Variants in SETBP1 observed in about 807,000 individuals in gnomAD.
The protein encoded by SETBP1 is SET-binding protein.
SETBP1 carries 9 observed loss-of-function variants against 101.0 expected under a neutral mutation model. That is an observed-to-expected ratio of 0.09 (90% CI 0.05 to 0.16). SETBP1 has a LOEUF of 0.16. SETBP1 is among the 10% of genes least tolerant of loss of function. SETBP1 has a pLI of 1.00. For synonymous variants in SETBP1, 818 were observed against 788.5 expected, an observed-to-expected ratio of 1.04 and a Z score of -0.63; for missense variants, 1,858 against 2,033.8, an observed-to-expected ratio of 0.91 and a Z score of 1.66.
intron 4 of SETBP1, among the ~76,000 whole-genome samples, chr18:45,013,085 CA>C (rs901254409): frequency 6.6e-6 from 1 of 152,268 alleles, no homozygotes; most frequent in African/African-American, 2.4e-5. Flanking sequence ...GTCAAGCTCA[CA>C]ACCACCTCAC....
rs540302397 is a variant in SETBP1 at position 44,955,415 on chromosome 18, G to C, written c.4000+2075G>C. 2.8e-4 allele frequency among the ~76,000 whole-genome samples: 42 copies of C among 152,304 alleles called. 1 individual carries two copies. The highest frequency in any genetic ancestry group is 9.9e-4 in the African/African-American group (41 of 41,568). On this transcript the variant is annotated intron_variant, in intron 4 of 5. Transcript: ENST00000649279. Reference sequence around the variant, plus strand: ...GGCCCAACTCTGTTACTAATTCTCCGTGTGCCCTTAGGCATGGGATTCCAC... The same window carrying C: ...GGCCCAACTCTGTTACTAATTCTCCCTGTGCCCTTAGGCATGGGATTCCAC...
chr18:44,772,410 G>A (rs2070893560), intron 2 of SETBP1, among the ~76,000 whole-genome samples: 1 of 152,188 alleles, frequency 6.6e-6, no homozygotes, highest in Non-Finnish European at 1.5e-5. Flanking sequence ...GCACTGGCTG[G>A]AGAACGCATC....
chr18:45,057,124 G>C (rs959990608), intron 5 of SETBP1, among the ~76,000 whole-genome samples: 10 of 152,006 alleles, frequency 6.6e-5, no homozygotes, highest in African/African-American at 2.4e-4. Context: ...CAGTTCTGTA[G>C]CATTTGTGTT....
intron 3 of SETBP1, among the ~76,000 whole-genome samples, chr18:44,911,912 C>A (rs747152450): frequency 1.3e-5 from 2 of 149,706 alleles, no homozygotes; most frequent in Admixed American, 1.3e-4. Flanking sequence ...AGAGAAGGTA[C>A]AAACGTGTGT....
chr18:44,831,838 G>C lies in SETBP1; in HGVS notation c.487-37392G>C, dbSNP rs9954058. Among the ~76,000 whole-genome samples, 22,363 of 152,034 alleles carry C rather than the reference G, an allele frequency of 0.15. 2,453 individuals are homozygous for C. Among genetic ancestry groups the C allele is most frequent in the African/African-American group, 0.31 (12,726 of 41,438 alleles). On this transcript the variant is annotated intron_variant, in intron 2 of 5. Coordinates refer to ENST00000649279, the MANE Select transcript of SETBP1 (RefSeq NM_015559.3). Reference sequence around the variant, plus strand: ...ACTGATTGTAACAGATTTTAAATCCGCCCATGACCTGCCCTCCCATTCACT... The same window carrying C: ...ACTGATTGTAACAGATTTTAAATCCCCCCATGACCTGCCCTCCCATTCACT...
chr18:45,050,696 ACT>A (rs1222939328), intron 5 of SETBP1, among the ~76,000 whole-genome samples: 4 of 152,322 alleles, frequency 2.6e-5, no homozygotes, highest in African/African-American at 7.2e-5. Context: ...GTGTGTGAAC[ACT>A]CTGTGTGGCC....
At chr18:45,059,725 T>C (rs986161) in intron 5 of SETBP1, among the ~76,000 whole-genome samples, 70,061 of 152,108 alleles carry the variant, frequency 0.46, 16,279 homozygotes, top group Non-Finnish European at 0.48. Flanking sequence ...AGCCACATTT[T>C]AAGTGCTCAG....
intron 4 of SETBP1, among the ~76,000 whole-genome samples, chr18:44,974,896 C>T (rs1293101733): frequency 6.6e-6 from 1 of 152,136 alleles, no homozygotes; most frequent in Non-Finnish European, 1.5e-5. Flanking sequence ...AAATAGGATA[C>T]ATTTTTACTA....
intron 2 of SETBP1, among the ~76,000 whole-genome samples, chr18:44,816,874 A>G (rs1188507350): frequency 6.6e-6 from 1 of 152,220 alleles, no homozygotes; most frequent in African/African-American, 2.4e-5. Context: ...TTCCTGACCC[A>G]GGATACTGTG....
chr18:45,063,001 G>A, intron 5 of SETBP1, 78 bp from the exon 6 acceptor site: 2 of 1,595,218 alleles, frequency 1.3e-6, no homozygotes, highest in Non-Finnish European at 1.7e-6. Flanking sequence ...CAAGTAGAAT[G>A]CTAGCTGTCA....
At chr18:44,682,059 C>A (rs778689557) in intron 1 of SETBP1, among the ~76,000 whole-genome samples, 16 of 152,004 alleles carry the variant, frequency 1.1e-4, no homozygotes, top group Non-Finnish European at 2.1e-4. Flanking sequence ...TTTTTCTTTT[C>A]ATTCCTTCAC....
chr18:44,710,093 T>C (rs1486735576), intron 2 of SETBP1, among the ~76,000 whole-genome samples: 1 of 152,206 alleles, frequency 6.6e-6, no homozygotes, highest in Non-Finnish European at 1.5e-5. Context: ...ATTGCTACAT[T>C]GCTAGTTGAC....
intron 5 of SETBP1, among the ~76,000 whole-genome samples, chr18:45,057,978 G>A (rs1374004298): frequency 6.6e-6 from 1 of 152,200 alleles, no homozygotes; most frequent in Non-Finnish European, 1.5e-5. Flanking sequence ...TCAACAGAAT[G>A]CTGATGAGCC....
At chr18:44,851,791 G>T (rs1275209061) in intron 2 of SETBP1, among the ~76,000 whole-genome samples, 1 of 152,146 alleles carries the variant, frequency 6.6e-6, no homozygotes, top group Admixed American at 6.5e-5. Flanking sequence ...CCATTCTCTA[G>T]GTTGGGAATG....
intron 3 of SETBP1, among the ~76,000 whole-genome samples, chr18:44,939,761 A>G (rs681240): frequency 0.81 from 123,835 of 152,224 alleles, 50,511 homozygotes; most frequent in East Asian, 0.96. Context: ...TGAATGTGCA[A>G]TGGTATCTGA....
intron 3 of SETBP1, among the ~76,000 whole-genome samples, chr18:44,886,648 C>A (rs2069654282): frequency 6.6e-6 from 1 of 151,900 alleles, no homozygotes; most frequent in South Asian, 2.1e-4. Context: ...ACATCCAATT[C>A]CTCTTAAACA....
intron 4 of SETBP1, among the ~76,000 whole-genome samples, chr18:44,954,120 G>A (rs1418629508): frequency 6.6e-6 from 1 of 152,024 alleles, no homozygotes; most frequent in Non-Finnish European, 1.5e-5. Context: ...CTACTAGAAG[G>A]ATCCTATTCC....
intron 4 of SETBP1, among the ~76,000 whole-genome samples, chr18:44,991,244 C>CAAAAAAAAAAAAAAAAAA (rs55811938): frequency 1.5e-5 from 1 of 68,210 alleles, no homozygotes; most frequent in Non-Finnish European, 2.8e-5. Flanking sequence ...CTGCATCTCA[C>CAAAAAAAAAAAAAAAAAA]AAAAAAAAAA....
At chr18:44,737,713 A>T (rs971372230) in intron 2 of SETBP1, among the ~76,000 whole-genome samples, 1 of 152,200 alleles carries the variant, frequency 6.6e-6, no homozygotes, top group Non-Finnish European at 1.5e-5. Context: ...AGCTGGAATG[A>T]GTTGCCTTTG....
Sources: allele counts gnomAD v4.1 joint callset (sites outside exome capture counted in the v4.1 genomes callset), GRCh38; gene constraint gnomAD v4.1.1; transcripts MANE v1.5; gene names NCBI Gene and HGNC (gene_info 2026-07-23, HGNC 2026-07-21).